UVSSA: variants seen among roughly 807,000 people sequenced by gnomAD.
The protein encoded by UVSSA is UV stimulated scaffold protein A.
Under a neutral mutation model 73.9 loss-of-function variants are expected in UVSSA, and 72 were observed. That is an observed-to-expected ratio of 0.97 (90% CI 0.81 to 1.19). The LOEUF is 1.19. Ranked by LOEUF, UVSSA falls within the 50% of genes most tolerant of loss-of-function variation. The pLI, the probability that UVSSA is intolerant of heterozygous loss-of-function variation, is 0.00. For synonymous variants in UVSSA, 454 were observed against 391.3 expected, an observed-to-expected ratio of 1.16 and a Z score of -1.89; for missense variants, 1,150 against 965.0, an observed-to-expected ratio of 1.19 and a Z score of -2.54.
At chr4:1,353,588 C>G (rs967744777) in intron 5 of UVSSA, among the ~76,000 whole-genome samples, 175 bp downstream of exon 5, 4 of 152,184 alleles carry the variant, frequency 2.6e-5, no homozygotes, top group Non-Finnish European at 5.9e-5. Context: ...CTGGGCTCCC[C>G]CCACCCATGC....
chr4:1,363,114 G>A (rs944593244), intron 7 of UVSSA, among the ~76,000 whole-genome samples: 1 of 108,492 alleles, frequency 9.2e-6, no homozygotes, highest in Admixed American at 8.6e-5. Context: ...GTGGTTTGAG[G>A]GGTACCACGG....
At position 1,386,691 on chromosome 4, in the gene UVSSA, A is replaced by G. The variant is rs1720145448; in HGVS notation, c.*730A>G. ...AAACCTCTTGCCTATTTTTAATTGA[A>G]TGATTTATCTTGAGTTGTAACAGTT... On this transcript the variant is annotated 3_prime_UTR_variant, in exon 14 of 14. Transcript: ENST00000389851. 3 of 150,804 alleles carry G rather than the reference A, an allele frequency of 2.0e-5. No individual in the cohort carries two copies. Among genetic ancestry groups the G allele is most frequent in the African/African-American group, 7.4e-5 (3 of 40,724 alleles). 9.3% of individuals were successfully genotyped at this position (150,804 alleles called of 1,614,324 possible). A position where few individuals can be genotyped will look rare whatever the true frequency, so the allele number is the denominator to read the frequency against.
chr4:1,352,010 T>C (rs4974604), intron 4 of UVSSA, among the ~76,000 whole-genome samples, 175 bp downstream of exon 4: 70,677 of 152,198 alleles, frequency 0.46, 17,113 homozygotes, highest in Non-Finnish European at 0.53. Context: ...CCTCCCAGGC[T>C]GTCCATGCCT....
At chr4:1,352,210 T>A (rs1714881235) in intron 4 of UVSSA, among the ~76,000 whole-genome samples, 1 of 152,226 alleles carries the variant, frequency 6.6e-6, no homozygotes, top group Admixed American at 6.5e-5. Flanking sequence ...CACTGTTTGC[T>A]TCTCGGCAGT....
At chr4:1,350,508 C>T (rs1483868426) in intron 3 of UVSSA, among the ~76,000 whole-genome samples, 1 of 152,254 alleles carries the variant, frequency 6.6e-6, no homozygotes, top group East Asian at 1.9e-4. Context: ...GCTAATGGAA[C>T]AAGCACACTG....
At chr4:1,355,366 A>G (rs1332639791) in intron 7 of UVSSA, 121 bp downstream of exon 7, 2 of 1,007,144 alleles carry the variant, frequency 2.0e-6, no homozygotes, top group African/African-American at 3.3e-5. Context: ...CCCCAAGCCC[A>G]CTCAGCCTCA....
chr4:1,355,041 C>A, intron 6 of UVSSA, 76 bp from the exon 7 acceptor site: 1 of 1,581,386 alleles, frequency 6.3e-7, no homozygotes, highest in South Asian at 1.2e-5. Context: ...GTGGACCTGG[C>A]ATGTGCCTCC....
At chr4:1,380,727 C>A in intron 11 of UVSSA, 153 bp from the exon 12 acceptor site, 1 of 1,549,382 alleles carries the variant, frequency 6.5e-7, no homozygotes, top group South Asian at 1.2e-5. Context: ...ACGCCCTCCT[C>A]TGAGGGGCGC....
At chr4:1,381,686 C>CT (rs1318393473) in intron 12 of UVSSA, among the ~76,000 whole-genome samples, 9,371 of 131,706 alleles carry the variant, frequency 0.071, 964 homozygotes, top group African/African-American at 0.21. Flanking sequence ...TTTGATTTGG[C>CT]TTTTTTTTTT....
At position 1,349,867 on chromosome 4, in the gene UVSSA, G is replaced by A. The variant is rs1714418515; in HGVS notation, c.429+13G>A. Reference sequence around the variant, plus strand: ...ACACAACAAAAAGGTAGGTGGGCCTGGCCCATTTTTTCAGAGACTGGTTAC... The same window carrying A: ...ACACAACAAAAAGGTAGGTGGGCCTAGCCCATTTTTTCAGAGACTGGTTAC... On this transcript the variant is annotated intron_variant, in intron 3 of 13. Transcript: ENST00000389851. The A allele has an allele frequency of 6.6e-7, 1 of 1,519,398 alleles. No homozygotes were observed. Among genetic ancestry groups the A allele is most frequent in the Non-Finnish European group, 8.8e-7 (1 of 1,135,386 alleles). The allele number at this position is 1,519,398 out of a possible 1,614,324, so 94.1% of individuals were successfully genotyped here. A position where few individuals can be genotyped will look rare whatever the true frequency, so the allele number is the denominator to read the frequency against.
At chr4:1,366,573 C>A in intron 8 of UVSSA, 142 bp downstream of exon 8, 1 of 600,212 alleles carries the variant, frequency 1.7e-6, no homozygotes, top group East Asian at 2.9e-5. Context: ...TGCTGCTTTT[C>A]CTGCTCACGG....
chr4:1,368,765 C>G (rs1166352118), intron 8 of UVSSA, among the ~76,000 whole-genome samples: 1 of 152,256 alleles, frequency 6.6e-6, no homozygotes, highest in East Asian at 1.9e-4. Context: ...ATGTGTGTCT[C>G]CAGCTCAGGC....
chr4:1,392,988 A>G (rs1720441380), downstream of UVSSA: 1 of 152,196 alleles, frequency 6.6e-6, no homozygotes, highest in East Asian at 1.9e-4. Context: ...TGGTTCTGCA[A>G]ATTTGGGAAA....
chr4:1,382,322 G>A lies in UVSSA; in HGVS notation c.1861+1334G>A, dbSNP rs531506978. On this transcript the variant is annotated intron_variant, in intron 12 of 13. Transcript: ENST00000389851. Reference sequence around the variant, plus strand: ...TGTTAACAAACAGGTATCAGGCCGCGGGCTGCGGCCAGCGCTGGCCAGTCA... The same window carrying A: ...TGTTAACAAACAGGTATCAGGCCGCAGGCTGCGGCCAGCGCTGGCCAGTCA... Among the ~76,000 whole-genome samples the A allele has an allele frequency of 7.9e-5, 12 of 152,342 alleles. No homozygotes were observed. In the South Asian group the frequency reaches 1.0e-3, roughly 13 times the overall value.
chr4:1,353,744 G>C (rs1021257642), intron 5 of UVSSA, among the ~76,000 whole-genome samples: 8 of 152,184 alleles, frequency 5.3e-5, no homozygotes, highest in Non-Finnish European at 1.0e-4. Context: ...GGGAGCACAG[G>C]CCTGACCTCC....
intron 7 of UVSSA, among the ~76,000 whole-genome samples, chr4:1,360,613 G>A (rs1716489706): frequency 6.6e-6 from 1 of 152,208 alleles, no homozygotes; most frequent in Non-Finnish European, 1.5e-5. Context: ...GGCCCCTGTG[G>A]GCCCTGGCTG....
chr4:1,354,710 G>T, intron 5 of UVSSA, 25 bp from the exon 6 acceptor site: 2 of 1,607,266 alleles, frequency 1.2e-6, no homozygotes, highest in East Asian at 2.2e-5. Flanking sequence ...GCGCCCTCTT[G>T]TGACCTCTGT....
At chr4:1,354,911 G>GA (rs55701304) in intron 6 of UVSSA, 64 bp downstream of exon 6, 51 of 1,432,710 alleles carry the variant, frequency 3.6e-5, no homozygotes, top group Non-Finnish European at 4.5e-5. Context: ...CATGGGGGGG[G>GA]TCCCTTTCTT....
chr4:1,359,226 G>T (rs1352378563), intron 7 of UVSSA: 1 of 152,246 alleles, frequency 6.6e-6, no homozygotes. Context: ...CTCAACGCTG[G>T]TTTGAATATG....
Sources: allele counts gnomAD v4.1 joint callset (sites outside exome capture counted in the v4.1 genomes callset), GRCh38; gene constraint gnomAD v4.1.1; transcripts MANE v1.5; gene names NCBI Gene and HGNC (gene_info 2026-07-23, HGNC 2026-07-21).